The following SBF2 variants were observed in gnomAD, a reference collection of about 807,000 sequenced individuals.
SBF2 encodes myotubularin-related protein 13.
Under a neutral mutation model 225.2 loss-of-function variants are expected in SBF2, and 112 were observed. That is an observed-to-expected ratio of 0.50 (90% confidence interval 0.43 to 0.58). SBF2 has a LOEUF of 0.58. SBF2 is among the 20% of genes least tolerant of loss of function. The pLI is 0.00. For synonymous variants in SBF2, 763 were observed against 773.3 expected, an observed-to-expected ratio of 0.99 and a Z score of 0.22; for missense variants, 1,996 against 2,206.2, an observed-to-expected ratio of 0.90 and a Z score of 1.91.
At chr11:10,006,761 G>T (rs1948210789) in intron 6 of SBF2, among the ~76,000 whole-genome samples, 1 of 152,130 alleles carries the variant, frequency 6.6e-6, no homozygotes, top group South Asian at 2.1e-4. Flanking sequence ...TCACTTCCAT[G>T]CCCTTCTCAA....
Position 10,215,104 on chromosome 11 carries a change from C to T in SBF2, c.56-21117G>A, listed in dbSNP as rs1272626128. On this transcript the variant is annotated intron_variant, in intron 1 of 39. Coordinates refer to ENST00000256190, the MANE Select transcript of SBF2 (RefSeq NM_030962.4). ...ACCCACTGCTAAATGACAAGGCTGC[C>T]CCACAAACTACTAGCTCAGAGCCAT... is the stretch of plus-strand genomic sequence containing the variant. 5.9e-5 allele frequency among the ~76,000 whole-genome samples: 9 copies of T among 152,124 alleles called. No homozygotes were observed. In the East Asian group the frequency reaches 1.7e-3, roughly 29 times the overall value.
intron 1 of SBF2, among the ~76,000 whole-genome samples, chr11:10,201,672 A>G (rs1468089625): frequency 6.6e-6 from 1 of 152,204 alleles, no homozygotes; most frequent in Non-Finnish European, 1.5e-5. Flanking sequence ...CCAGAGTTAA[A>G]CTTAGGAAAG....
intron 2 of SBF2, among the ~76,000 whole-genome samples, chr11:10,192,886 G>A (rs1043738444): frequency 6.6e-6 from 1 of 152,142 alleles, no homozygotes; most frequent in Non-Finnish European, 1.5e-5. Context: ...CACACCCCCA[G>A]TAAATCTGGA....
intron 1 of SBF2, among the ~76,000 whole-genome samples, chr11:10,229,084 A>C (rs1958707807): frequency 6.6e-6 from 1 of 151,664 alleles, no homozygotes; most frequent in Admixed American, 6.6e-5. Context: ...TTTCTTCTAG[A>C]TTTTCTAGTT....
At chr11:9,796,034 C>A in intron 32 of SBF2, 77 bp from the exon 33 acceptor site, 1 of 1,407,180 alleles carries the variant, frequency 7.1e-7, no homozygotes, top group Non-Finnish European at 9.9e-7. Flanking sequence ...GAAGGCTTAA[C>A]TGAAACATGC....
chr11:10,229,182 T>C (rs1210611466), intron 1 of SBF2, among the ~76,000 whole-genome samples: 1 of 152,194 alleles, frequency 6.6e-6, no homozygotes, highest in Non-Finnish European at 1.5e-5. Flanking sequence ...TCATTTTTTA[T>C]TGCATCTATT....
chr11:10,076,443 C>A (rs1033195770), intron 2 of SBF2, among the ~76,000 whole-genome samples: 2 of 152,138 alleles, frequency 1.3e-5, no homozygotes, highest in Non-Finnish European at 2.9e-5. Context: ...CCCCTATGGC[C>A]AGAACTGAGA....
chr11:10,188,431 A>G (rs983380942), intron 2 of SBF2, among the ~76,000 whole-genome samples: 4 of 152,150 alleles, frequency 2.6e-5, no homozygotes, highest in Admixed American at 1.3e-4. Flanking sequence ...TTCCTCAGGA[A>G]GTTCTCTTTG....
chr11:9,808,236 C>T, intron 31 of SBF2, 51 bp from the exon 32 acceptor site: 2 of 1,503,626 alleles, frequency 1.3e-6, no homozygotes, highest in Non-Finnish European at 1.8e-6. Context: ...TGAAAAAGGC[C>T]TATTACTAAG....
intron 8 of SBF2, 49 bp downstream of exon 8, chr11:10,000,865 G>T: frequency 1.0e-6 from 1 of 961,236 alleles, no homozygotes; most frequent in Non-Finnish European, 1.7e-6. Context: ...AAAGAAATAT[G>T]ATAAACTTCT....
intron 16 of SBF2, among the ~76,000 whole-genome samples, chr11:9,916,583 T>A (rs1236903819): frequency 1.4e-5 from 2 of 147,144 alleles, no homozygotes; most frequent in African/African-American, 5.1e-5. Context: ...AACTTACATC[T>A]TTTTCTTTCT....
intron 1 of SBF2, among the ~76,000 whole-genome samples, chr11:10,260,040 G>A (rs1961274909): frequency 1.3e-5 from 2 of 152,218 alleles, no homozygotes; most frequent in South Asian, 4.1e-4. Flanking sequence ...TTATACTTAA[G>A]AAATTTATCT....
chr11:10,119,671 G>A (rs1041274392), intron 2 of SBF2, among the ~76,000 whole-genome samples: 1 of 152,082 alleles, frequency 6.6e-6, no homozygotes, highest in Non-Finnish European at 1.5e-5. Flanking sequence ...TAATTGCTTA[G>A]TAAATTGGAG....
chr11:10,215,158 T>A (rs59084464), intron 1 of SBF2, among the ~76,000 whole-genome samples: 1 of 152,134 alleles, frequency 6.6e-6, no homozygotes, highest in Non-Finnish European at 1.5e-5. Flanking sequence ...TAAACCCATA[T>A]CCTTCCTCTC....
chr11:9,790,689 G>T lies in SBF2; in HGVS notation c.4571-6C>A, dbSNP rs2645029. ...TTTATCATCAAATAAAGTTCCTGTA[G>T]ATTAAAAAAATCCAACAAAACAAAA... On this transcript the variant is annotated splice_polypyrimidine_tract_variant and splice_region_variant and intron_variant, in intron 33 of 39. Transcript: ENST00000256190. The T allele has an allele frequency of 7.0e-6, 11 of 1,570,190 alleles. No individual in the cohort carries two copies. The highest frequency in any genetic ancestry group is 9.6e-6 in the Non-Finnish European group (11 of 1,144,056).
chr11:9,935,450 A>G (rs181781272), intron 16 of SBF2, among the ~76,000 whole-genome samples: 1 of 152,218 alleles, frequency 6.6e-6, no homozygotes, highest in Non-Finnish European at 1.5e-5. Flanking sequence ...ATTTGAAAAA[A>G]ACTACTTTAA....
chr11:10,177,149 T>A (rs959017214), intron 2 of SBF2, among the ~76,000 whole-genome samples: 16 of 151,992 alleles, frequency 1.1e-4, no homozygotes, highest in Non-Finnish European at 1.9e-4. Context: ...CAACTCTTCA[T>A]GCTAAAAACT....
rs192630032 is a variant in SBF2 at position 9,877,856 on chromosome 11, T to C, written c.1929+18087A>G. On this transcript the variant is annotated intron_variant, in intron 17 of 39. Coordinates refer to ENST00000256190, the MANE Select transcript of SBF2 (RefSeq NM_030962.4). Reference sequence around the variant, plus strand: ...ATTGTGTATAGTGCCACAATAAATTTACGTGTGCATGTGTCTTTATAGCAG... The same window carrying C: ...ATTGTGTATAGTGCCACAATAAATTCACGTGTGCATGTGTCTTTATAGCAG... Among the ~76,000 whole-genome samples the C allele has an allele frequency of 8.8e-3, 1,340 of 152,326 alleles. 9 individuals carry two copies. The highest frequency in any genetic ancestry group is 0.013 in the Non-Finnish European group (902 of 68,026).
chr11:10,057,090 A>G (rs1425218845), intron 2 of SBF2, among the ~76,000 whole-genome samples: 1 of 152,168 alleles, frequency 6.6e-6, no homozygotes, highest in African/African-American at 2.4e-5. Context: ...TTGCTGTTTC[A>G]CAGCCTTCAC....
Sources: gnomAD v4.1 joint callset for allele counts (sites outside exome capture counted in the v4.1 genomes callset) on GRCh38, gnomAD v4.1.1 for gene constraint, MANE v1.5 for transcripts, NCBI Gene and HGNC (gene_info 2026-07-23, HGNC 2026-07-21) for gene names.